ABCC9: variants seen among roughly 807,000 people sequenced by gnomAD.
ABCC9 encodes the protein ATP binding cassette subfamily C member 9, also known as ATP-binding cassette sub-family C member 9.
In ABCC9, 95 loss-of-function variants were observed where a neutral mutation model predicts 188.3. The observed-to-expected ratio is 0.50, with a 90% CI of 0.43 to 0.60. The LOEUF is 0.60. Ranked by LOEUF, ABCC9 falls within the 20% of genes least tolerant of loss-of-function variation. The pLI is 0.00. For synonymous variants in ABCC9, 659 were observed against 652.7 expected, an observed-to-expected ratio of 1.01 and a Z score of -0.15; for missense variants, 1,102 against 1,876.3, an observed-to-expected ratio of 0.59 and a Z score of 7.62.
At chr12:21,802,708 G>C (rs1323069733) in intron 39 of ABCC9, among the ~76,000 whole-genome samples, 1 of 152,122 alleles carries the variant, frequency 6.6e-6, no homozygotes, top group African/African-American at 2.4e-5. Context: ...GTGTGCTGAT[G>C]GGAGTCCCTG....
chr12:21,834,156 CT>C (rs1290167461), intron 30 of ABCC9, among the ~76,000 whole-genome samples: 4 of 152,080 alleles, frequency 2.6e-5, no homozygotes, highest in Non-Finnish European at 5.9e-5. Context: ...CCTTTTTATT[CT>C]TCTTTTATGT....
Position 21,817,038 on chromosome 12 carries a change from G to C in ABCC9, c.3892+149C>G. 7.6e-6 allele frequency: 6 copies of C among 792,764 alleles called. No homozygotes were observed. The South Asian group carries it at 9.9e-5, about 13-fold the overall frequency. 49.1% of individuals were successfully genotyped at this position (792,764 alleles called of 1,614,324 possible). A position where few individuals can be genotyped will look rare whatever the true frequency, so the allele number is the denominator to read the frequency against. On this transcript the variant is annotated intron_variant, in intron 33 of 39. Coordinates refer to ENST00000261200, the MANE Select transcript of ABCC9 (RefSeq NM_020297.4). Reference sequence around the variant, plus strand: ...GGCCTAAATAGTCACATCTTTTCCGGTGTACATAATCAAGCAAAGCCAAGA... The same window carrying C: ...GGCCTAAATAGTCACATCTTTTCCGCTGTACATAATCAAGCAAAGCCAAGA...
At chr12:21,927,101 TA>T (rs1423890085) in intron 4 of ABCC9, among the ~76,000 whole-genome samples, 3 of 152,154 alleles carry the variant, frequency 2.0e-5, no homozygotes, top group Non-Finnish European at 4.4e-5. Context: ...AGGGTCATTT[TA>T]AAAAAGGAAC....
chr12:21,818,651 T>C (rs1171762162), intron 31 of ABCC9, among the ~76,000 whole-genome samples: 3 of 149,108 alleles, frequency 2.0e-5, no homozygotes, highest in Non-Finnish European at 4.5e-5. Flanking sequence ...TTACTTTTTT[T>C]TTTTTTTTTT....
intron 12 of ABCC9, among the ~76,000 whole-genome samples, chr12:21,900,697 G>A (rs1381879754): frequency 6.6e-6 from 1 of 152,120 alleles, no homozygotes; most frequent in African/African-American, 2.4e-5. Context: ...ATCAACTGGA[G>A]GAAAGGATAT....
chr12:21,818,003 C>A, intron 32 of ABCC9, 147 bp downstream of exon 32: 1 of 585,514 alleles, frequency 1.7e-6, no homozygotes. Context: ...TCTAAGTTCC[C>A]TCCCCTCACC....
At chr12:21,844,436 A>G (rs1465004947) in intron 28 of ABCC9, 47 bp downstream of exon 28, 1 of 1,427,824 alleles carries the variant, frequency 7.0e-7, no homozygotes, top group East Asian at 2.3e-5. Context: ...TATTTAGCTT[A>G]CATTGTGAAA....
intron 18 of ABCC9, 127 bp downstream of exon 18, chr12:21,872,498 T>G: frequency 1.4e-6 from 1 of 735,020 alleles, no homozygotes; most frequent in Non-Finnish European, 2.3e-6. Flanking sequence ...ATTTTTTTTT[T>G]AAAGCTGTGC....
chr12:21,840,997 C>G (rs886723716), intron 29 of ABCC9, among the ~76,000 whole-genome samples: 12 of 152,174 alleles, frequency 7.9e-5, no homozygotes, highest in Non-Finnish European at 1.8e-4. Context: ...CCTTCTTATT[C>G]TAGCACTTAT....
chr12:21,808,970 C>T (rs1942047536), intron 37 of ABCC9, among the ~76,000 whole-genome samples: 1 of 151,890 alleles, frequency 6.6e-6, no homozygotes, highest in Non-Finnish European at 1.5e-5. Context: ...TCTGAGTTGG[C>T]CCTGCTTTTC....
At chr12:21,878,530 C>T (rs1054913733) in intron 16 of ABCC9, among the ~76,000 whole-genome samples, 8 of 152,146 alleles carry the variant, frequency 5.3e-5, no homozygotes, top group African/African-American at 1.9e-4. Context: ...ACTGGATAGA[C>T]TGTGCCCTTG....
chr12:21,858,421 A>T (rs906764514), intron 22 of ABCC9, among the ~76,000 whole-genome samples: 6 of 151,966 alleles, frequency 3.9e-5, no homozygotes, highest in African/African-American at 9.7e-5. Flanking sequence ...TAAAAATAAA[A>T]AAAAAAAAAT....
Position 21,864,462 on chromosome 12 carries a change from C to A in ABCC9, c.2214G>T (p.Glu738Asp). ...ACCTTCTGGTTGCTTCAAAAGAAGG[C>A]TCAGATTCATTTACACTGCAAGTAT... ...KVHWSNVNES[E>D]PSFEATRSRN... The change falls in exon 19 of 40, where the codon GAG becomes GAT. Residue 738 changes from glutamate (E) to aspartate (D), a missense_variant. This residue lies in a region of ABCC9 where 258 missense variants were observed against 325.6 expected (regional missense o/e 0.79). Coordinates refer to ENST00000261200, the MANE Select transcript of ABCC9 (RefSeq NM_020297.4). 1 of 1,593,650 alleles carries A rather than the reference C, an allele frequency of 6.3e-7. No homozygotes were observed. The highest frequency in any genetic ancestry group is 8.6e-7 in the Non-Finnish European group (1 of 1,161,678).
intron 31 of ABCC9, among the ~76,000 whole-genome samples, chr12:21,818,454 CTATATA>C (rs1220295597): frequency 7.1e-6 from 1 of 140,768 alleles, no homozygotes; most frequent in Non-Finnish European, 1.5e-5. Context: ...CATGCTCTCA[CTATATA>C]TATCTATATC....
intron 7 of ABCC9, among the ~76,000 whole-genome samples, 156 bp downstream of exon 7, chr12:21,915,512 A>ATTTTTTTTTTTT (rs1254915972): frequency 5.3e-3 from 2 of 380 alleles, no homozygotes; most frequent in African/African-American, 0.01. Flanking sequence ...ATATATATAT[A>ATTTTTTTTTTTT]TATTTTTTTT....
At chr12:21,893,900 C>G (rs1947284968) in intron 14 of ABCC9, 132 bp downstream of exon 14, 3 of 950,824 alleles carry the variant, frequency 3.2e-6, no homozygotes, top group South Asian at 3.7e-5. Context: ...AAGTAGCATA[C>G]CACAATTTTA....
At chr12:21,923,303 T>G (rs1464688074) in intron 5 of ABCC9, 1 of 151,160 alleles carries the variant, frequency 6.6e-6, no homozygotes, top group East Asian at 1.9e-4. Context: ...TACATCGAAA[T>G]TTAAAATCTT....
At chr12:21,916,867 T>G in intron 6 of ABCC9, 70 bp downstream of exon 6, 5 of 1,400,676 alleles carry the variant, frequency 3.6e-6, no homozygotes, top group Non-Finnish European at 4.8e-6. Context: ...TAATGATTTC[T>G]AGCTAACTGT....
intron 22 of ABCC9, among the ~76,000 whole-genome samples, chr12:21,859,346 A>G (rs942729132): frequency 6.6e-6 from 1 of 152,122 alleles, no homozygotes; most frequent in African/African-American, 2.4e-5. Context: ...ACTCAGAAAA[A>G]CAACCACTTA....
Sources: gnomAD v4.1 joint callset for allele counts (sites outside exome capture counted in the v4.1 genomes callset) on GRCh38, gnomAD v4.1.1 for gene constraint, gnomAD v4.1.1 regional missense constraint, MANE v1.5 for transcripts, NCBI Gene and HGNC (gene_info 2026-07-23, HGNC 2026-07-21) for gene names.